Variants in ZNF33B observed in about 807,000 individuals in gnomAD.
The protein encoded by ZNF33B is zinc finger protein 11b (KOX 2).
ZNF33B carries 29 observed loss-of-function variants against 45.8 expected under a neutral mutation model. That is an observed-to-expected ratio of 0.63 (90% CI 0.47 to 0.86). ZNF33B has a LOEUF of 0.86. Among genes scored for constraint, ZNF33B ranks in the 40% least tolerant of loss-of-function variants. The pLI, the probability that ZNF33B is intolerant of heterozygous loss-of-function variation, is 0.00. For missense variants in ZNF33B, 831 were observed against 909.9 expected (o/e 0.91, Z 1.12); for synonymous variants, 305 against 307.8 (o/e 0.99, Z 0.10).
chr10:42,622,470 T>C (rs1294147687), intron 4 of ZNF33B, among the ~76,000 whole-genome samples: 4 of 152,244 alleles, frequency 2.6e-5, no homozygotes, highest in Non-Finnish European at 4.4e-5. Context: ...CAGTGGGTCA[T>C]GTCATAGGTG....
At position 42,592,397 on chromosome 10, in the gene ZNF33B, C is replaced by A. The variant is rs187433998; in HGVS notation, c.*216G>T. On this transcript the variant is annotated 3_prime_UTR_variant, in exon 5 of 5. Transcript: ENST00000359467. ...TGTGAGGTTTTATGCCAGTATTAAC[C>A]ATCTGATATTCAACAGAATATCACT... 270 of 716,040 alleles carry A rather than the reference C, an allele frequency of 3.8e-4. No individual in the cohort carries two copies. Among genetic ancestry groups the A allele is most frequent in the Non-Finnish European group, 4.2e-4 (201 of 478,566 alleles). 44.4% of individuals were successfully genotyped at this position (716,040 alleles called of 1,614,324 possible).
At chr10:42,595,017 C>G (rs868418462) in intron 4 of ZNF33B, among the ~76,000 whole-genome samples, 1 of 152,146 alleles carries the variant, frequency 6.6e-6, no homozygotes, top group Non-Finnish European at 1.5e-5. Flanking sequence ...TGCATCTCCC[C>G]AAGAACTATA....
chr10:42,638,408 C>G (rs567800368), intron 1 of ZNF33B, 66 bp downstream of exon 1: 7 of 354,074 alleles, frequency 2.0e-5, no homozygotes, highest in African/African-American at 8.7e-5. Context: ...CACTGGCCCC[C>G]GGCTGCCTGC....
chr10:42,637,008 T>C, intron 1 of ZNF33B, 36 bp from the exon 2 acceptor site: 1 of 1,608,408 alleles, frequency 6.2e-7, no homozygotes, highest in Non-Finnish European at 8.5e-7. Context: ...TCATGAAAGA[T>C]TTGGCCTGCC....
At chr10:42,611,020 A>G (rs2132093879) in intron 4 of ZNF33B, among the ~76,000 whole-genome samples, 1 of 152,342 alleles carries the variant, frequency 6.6e-6, no homozygotes, top group Non-Finnish European at 1.5e-5. Context: ...TTAATTTTCA[A>G]CAATGATGCC....
chr10:42,632,898 A>G (rs567762236), intron 2 of ZNF33B: 1 of 173,894 alleles, frequency 5.8e-6, no homozygotes, highest in Non-Finnish European at 1.2e-5. Flanking sequence ...AGGGCCTCCA[A>G]CACACTGCAG....
At chr10:42,607,853 G>A (rs1260910234) in intron 4 of ZNF33B, among the ~76,000 whole-genome samples, 3 of 152,060 alleles carry the variant, frequency 2.0e-5, no homozygotes, top group Non-Finnish European at 2.9e-5. Flanking sequence ...TGTAAGTCAG[G>A]AACCATCTGT....
Position 42,638,569 on chromosome 10 carries a change from G to T in ZNF33B, c.-140C>A. On this transcript the variant is annotated 5_prime_UTR_variant, in exon 1 of 5. Coordinates refer to ENST00000359467, the MANE Select transcript of ZNF33B (RefSeq NM_006955.3). ...CACGCAAAACGTGAGACAAACAAAA[G>T]GAAAGGCGGAAACGCAGAAACGCAG... The T allele has an allele frequency of 2.1e-6, 1 of 473,142 alleles. No individual in the cohort carries two copies. The highest frequency in any genetic ancestry group is 6.3e-5 in the East Asian group (1 of 15,800). 29.3% of individuals were successfully genotyped at this position (473,142 alleles called of 1,614,324 possible). A position where few individuals can be genotyped will look rare whatever the true frequency, so the allele number is the denominator to read the frequency against.
intron 1 of ZNF33B, among the ~76,000 whole-genome samples, chr10:42,576,568 C>T (rs866419337): frequency 7.9e-5 from 12 of 152,102 alleles, no homozygotes; most frequent in Non-Finnish European, 1.5e-4. Context: ...CCCACCAGTG[C>T]TTTCATGCCT....
intron 4 of ZNF33B, among the ~76,000 whole-genome samples, chr10:42,603,764 G>A (rs1472823050): frequency 6.6e-6 from 1 of 151,296 alleles, no homozygotes; most frequent in Non-Finnish European, 1.5e-5. Flanking sequence ...AGGCAGACAG[G>A]CTAACACAGC....
chr10:42,634,268 G>A lies in ZNF33B; in HGVS notation c.10-1829C>T, dbSNP rs545237188. On this transcript the variant is annotated intron_variant, in intron 2 of 4. Transcript: ENST00000359467. ...AAAAATACAAAAAAATTAGCCAGGCGTGGGGGCAGGTGCCTGTAATCCCAG... is the reference window on the plus strand; with the variant it reads ...AAAAATACAAAAAAATTAGCCAGGCATGGGGGCAGGTGCCTGTAATCCCAG... Among the ~76,000 whole-genome samples the A allele has an allele frequency of 9.2e-5, 14 of 152,136 alleles. No individual in the cohort carries two copies. The South Asian group carries it at 1.7e-3, about 18-fold the overall frequency.
At chr10:42,580,050 C>T (rs1386042415) in intron 1 of ZNF33B, among the ~76,000 whole-genome samples, 3 of 152,098 alleles carry the variant, frequency 2.0e-5, no homozygotes, top group African/African-American at 7.2e-5. Flanking sequence ...GGCCTTTCTC[C>T]TGGTAGGAGG....
intron 4 of ZNF33B, among the ~76,000 whole-genome samples, chr10:42,622,748 T>C (rs1838647346): frequency 6.6e-6 from 1 of 152,152 alleles, no homozygotes; most frequent in East Asian, 1.9e-4. Flanking sequence ...TTTGAAATGA[T>C]GACAAATGAC....
chr10:42,580,497 C>A (rs531390473), intron 1 of ZNF33B, among the ~76,000 whole-genome samples: 1 of 151,956 alleles, frequency 6.6e-6, no homozygotes, highest in East Asian at 2.0e-4. Flanking sequence ...CTTGGCCTCC[C>A]AAAGTGCTGG....
chr10:42,629,047 G>C (rs1424650381), intron 4 of ZNF33B, among the ~76,000 whole-genome samples: 1 of 152,116 alleles, frequency 6.6e-6, no homozygotes, highest in Non-Finnish European at 1.5e-5. Context: ...CTAAGATTTG[G>C]AATCAACTGA....
downstream of ZNF33B, among the ~76,000 whole-genome samples, chr10:42,587,495 GGATTTGTTCTTGGCTTCTCAAAGTGCTGC>G (rs1404200469): frequency 1.3e-5 from 2 of 152,082 alleles, no homozygotes; most frequent in Non-Finnish European, 2.9e-5. Context: ...CAAAGTGCTG[GGATTTGTTCTTGGCTTCTCAAAGTGCTGC>G]GATTTGTTGA....
intron 1 of ZNF33B, among the ~76,000 whole-genome samples, chr10:42,577,458 A>G (rs1836764770): frequency 6.6e-6 from 1 of 152,204 alleles, no homozygotes; most frequent in Admixed American, 6.5e-5. Context: ...CTCTATGTCC[A>G]AACAGCCATG....
At chr10:42,608,490 A>G (rs1202121211) in intron 4 of ZNF33B, among the ~76,000 whole-genome samples, 2 of 152,184 alleles carry the variant, frequency 1.3e-5, no homozygotes, top group Non-Finnish European at 2.9e-5. Flanking sequence ...AGTAAGACAA[A>G]GGAATTTTGA....
At chr10:42,575,672 G>A (rs1299461483) in intron 1 of ZNF33B, among the ~76,000 whole-genome samples, 1 of 149,494 alleles carries the variant, frequency 6.7e-6, no homozygotes, top group Non-Finnish European at 1.5e-5. Context: ...TAATTTCCCT[G>A]GTCGTGAAGA....
Sources: allele counts gnomAD v4.1 joint callset (sites outside exome capture counted in the v4.1 genomes callset), GRCh38; gene constraint gnomAD v4.1.1; transcripts MANE v1.5; gene names NCBI Gene and HGNC (gene_info 2026-07-23, HGNC 2026-07-21).